MRPS18A: variants seen among roughly 807,000 people sequenced by gnomAD.
MRPS18A encodes large ribosomal subunit protein mL66.
MRPS18A carries 20 observed loss-of-function variants against 22.7 expected under a neutral mutation model. That is an observed-to-expected ratio of 0.88 (90% CI 0.62 to 1.28). MRPS18A has a LOEUF of 1.28. MRPS18A is among the 50% of genes most tolerant of loss of function. The pLI, the probability that MRPS18A is intolerant of heterozygous loss-of-function variation, is 0.00. For missense variants in MRPS18A, 294 were observed against 262.6 expected (o/e 1.12, Z -0.83); for synonymous variants, 106 against 99.1 (o/e 1.07, Z -0.41).
chr6:43,673,179 G>A lies in MRPS18A; in HGVS notation c.447-1273C>T, dbSNP rs1582406355. 2.0e-5 allele frequency among the ~76,000 whole-genome samples: 3 copies of A among 152,146 alleles called. No homozygotes were observed. In the South Asian group the frequency reaches 6.2e-4, roughly 32 times the overall value. On this transcript the variant is annotated intron_variant, in intron 5 of 5. Transcript: ENST00000372133. This position sits in a 1 kb window ranked among gnomAD's most constrained non-coding sequence, Gnocchi z 4.2. ...ATTTTTGTATTTTTAGTAGAGACGTGGTTTCCTCATGTTGGCCAGGCTGGT... is the reference window on the plus strand; with the variant it reads ...ATTTTTGTATTTTTAGTAGAGACGTAGTTTCCTCATGTTGGCCAGGCTGGT...
chr6:43,675,050 AAAG>A, intron 5 of MRPS18A, 149 bp downstream of exon 5: 1 of 648,174 alleles, frequency 1.5e-6, no homozygotes, highest in Non-Finnish European at 2.4e-6. Context: ...TGAGGTTGGC[AAAG>A]AAGGCAACAG....
intron 5 of MRPS18A, among the ~76,000 whole-genome samples, chr6:43,674,093 T>TG (rs1773914767): frequency 6.6e-6 from 1 of 152,164 alleles, no homozygotes; most frequent in Non-Finnish European, 1.5e-5. Context: ...GCTAGCAATG[T>TG]GGGGGGCACA....
At chr6:43,674,721 GGTT>G (rs1406512031) in intron 5 of MRPS18A, among the ~76,000 whole-genome samples, 1 of 152,226 alleles carries the variant, frequency 6.6e-6, no homozygotes, top group Non-Finnish European at 1.5e-5. Flanking sequence ...GCGCTGTGTA[GGTT>G]GTTAACTACA....
Position 43,675,209 on chromosome 6 carries a change from G to A in MRPS18A, c.439C>T (p.Leu147Phe), listed in dbSNP as rs1294818354. Residue 147 changes from leucine (L) to phenylalanine (F), a missense_variant, in exon 5 of 6, where the codon CTC becomes TTC. By Grantham distance (22) the Leu-to-Phe change is conservative. Transcript: ENST00000372133. ...ACACCCAGGCTTGCTTACCGGTTGA[G>A]TTGGGGTTTGCTCTTCGGAACAACT... ...EGVVPKSKPQLNRYLTRWAPG... is the reference protein window; with the variant it reads ...EGVVPKSKPQFNRYLTRWAPG... 5 of 1,517,328 alleles carry A rather than the reference G, an allele frequency of 3.3e-6. No individual in the cohort carries two copies. In the East Asian group the frequency reaches 9.1e-5, roughly 28 times the overall value. 94.0% of individuals were successfully genotyped at this position (1,517,328 alleles called of 1,614,324 possible).
At chr6:43,675,090 G>T in intron 5 of MRPS18A, 112 bp downstream of exon 5, 1 of 923,930 alleles carries the variant, frequency 1.1e-6, no homozygotes, top group Non-Finnish European at 1.6e-6. Flanking sequence ...AGCAGGGGTG[G>T]ACTGATGGGG....
rs780284141 is a variant in MRPS18A at position 43,675,502 on chromosome 6, T to G, written c.368A>C (p.His123Pro). 12 of 1,614,046 alleles carry G rather than the reference T, an allele frequency of 7.4e-6. No homozygotes were observed. The highest frequency in any genetic ancestry group is 2.5e-6 in the Non-Finnish European group (3 of 1,180,040). Reference protein sequence around the residue: ...RKIEECVKMAHRAGLLPNHRP... With the variant: ...RKIEECVKMAPRAGLLPNHRP... ...TCCCCAGGGCCTTCTACCTGCTCGG[T>G]GGGCCATCTTCACACACTCCTCGAT... The change falls in exon 4 of 6, where the codon CAC (histidine) becomes CCC (proline). Residue 123 changes from histidine (H) to proline (P), a missense_variant. Transcript: ENST00000372133.
chr6:43,679,037 G>T (rs1774235536), intron 2 of MRPS18A, among the ~76,000 whole-genome samples: 1 of 152,190 alleles, frequency 6.6e-6, no homozygotes. Context: ...GTGGCACAGG[G>T]ATATAGAGTC....
At chr6:43,685,033 G>A (rs7775611) in intron 1 of MRPS18A, among the ~76,000 whole-genome samples, 32,167 of 151,992 alleles carry the variant, frequency 0.21, 8,205 homozygotes, top group African/African-American at 0.62. Context: ...CAATAAGGGA[G>A]GCCCTGCCAT....
intron 1 of MRPS18A, among the ~76,000 whole-genome samples, chr6:43,683,892 G>A (rs1774546598): frequency 1.3e-5 from 2 of 152,156 alleles, no homozygotes; most frequent in South Asian, 2.1e-4. Flanking sequence ...TCCATGCCTC[G>A]TAAAGAGGTC....
chr6:43,679,220 G>T (rs1774248095), intron 2 of MRPS18A, among the ~76,000 whole-genome samples: 1 of 152,102 alleles, frequency 6.6e-6, no homozygotes. Flanking sequence ...ACTGGGGGAG[G>T]GAGTGCTACT....
chr6:43,681,740 A>T (rs189508551), intron 1 of MRPS18A, among the ~76,000 whole-genome samples: 42 of 152,340 alleles, frequency 2.8e-4, no homozygotes, highest in Admixed American at 2.3e-3. Context: ...ATGCGGTAGG[A>T]ATAAGGAGCA....
chr6:43,679,517 G>A (rs1774267996), intron 2 of MRPS18A, among the ~76,000 whole-genome samples: 1 of 152,160 alleles, frequency 6.6e-6, no homozygotes, highest in African/African-American at 2.4e-5. Context: ...TATCGCTGCC[G>A]TATCCTGTGA....
intron 1 of MRPS18A, among the ~76,000 whole-genome samples, chr6:43,685,115 G>A (rs985141117): frequency 6.6e-6 from 1 of 152,184 alleles, no homozygotes; most frequent in Non-Finnish European, 1.5e-5. Flanking sequence ...TCACTTATTA[G>A]ACAGGTGATG....
At position 43,675,284 on chromosome 6, in the gene MRPS18A, GA is replaced by G; in HGVS notation, c.377-14del. Reference sequence around the variant, plus strand: ...TTTGGTAATAGACCTGAGTGGCGGGGAAGAGGGGATAGTCTTTGCAGCTCCC... The same window carrying G: ...TTTGGTAATAGACCTGAGTGGCGGGGAGAGGGGATAGTCTTTGCAGCTCCC... On this transcript the variant is annotated splice_polypyrimidine_tract_variant and intron_variant, in intron 4 of 5. Coordinates refer to ENST00000372133, the MANE Select transcript of MRPS18A (RefSeq NM_018135.4). 1 of 1,536,722 alleles carries G rather than the reference GA, an allele frequency of 6.5e-7. No individual in the cohort carries two copies. Among genetic ancestry groups the G allele is most frequent in the Non-Finnish European group, 8.8e-7 (1 of 1,141,432 alleles).
chr6:43,680,199 T>C (rs1318197163), intron 2 of MRPS18A, among the ~76,000 whole-genome samples: 1 of 152,126 alleles, frequency 6.6e-6, no homozygotes, highest in South Asian at 2.1e-4. Context: ...AATGCTTGTT[T>C]TGGCTTTGAA....
intron 2 of MRPS18A, among the ~76,000 whole-genome samples, chr6:43,679,616 T>G (rs1774274519): frequency 6.6e-6 from 1 of 152,152 alleles, no homozygotes; most frequent in Admixed American, 6.5e-5. Flanking sequence ...CCTGGCTGAC[T>G]GAGGCTGTGG....
intron 4 of MRPS18A, 42 bp from the exon 5 acceptor site, chr6:43,675,313 T>C (rs1773991659): frequency 6.4e-7 from 1 of 1,552,768 alleles, no homozygotes; most frequent in South Asian, 1.2e-5. Flanking sequence ...CAGCTCCCTC[T>C]GCAGCTCTGA....
intron 5 of MRPS18A, chr6:43,672,376 C>G (rs1413060465): frequency 2.1e-6 from 1 of 471,768 alleles, no homozygotes; most frequent in Admixed American, 2.3e-5. Flanking sequence ...GACCCCTGCC[C>G]CTCACCCAAC....
At chr6:43,685,684 A>G (rs1236095919) in intron 1 of MRPS18A, among the ~76,000 whole-genome samples, 1 of 152,260 alleles carries the variant, frequency 6.6e-6, no homozygotes, top group Non-Finnish European at 1.5e-5. Context: ...ATTTTCAGCA[A>G]GAGAACCAGC....
Sources: gnomAD v4.1 joint callset for allele counts (sites outside exome capture counted in the v4.1 genomes callset) on GRCh38, gnomAD v4.1.1 for gene constraint, Gnocchi (gnomAD v3.1) non-coding constraint, MANE v1.5 for transcripts, NCBI Gene and HGNC (gene_info 2026-07-23, HGNC 2026-07-21) for gene names.